Variants in SAMMSON observed in about 807,000 individuals in gnomAD.
SAMMSON encodes long intergenic non-protein coding RNA 1212.
intron 7 of SAMMSON, among the ~76,000 whole-genome samples, chr3:70,316,980 T>A (rs1222161893): frequency 1.3e-5 from 2 of 152,072 alleles, no homozygotes; most frequent in Non-Finnish European, 2.9e-5. Context: ...TGAATAACAG[T>A]TGCTAGTAGG....
chr3:70,266,398 A>G (rs1471884580), intron 6 of SAMMSON, among the ~76,000 whole-genome samples: 1 of 151,688 alleles, frequency 6.6e-6, no homozygotes, highest in Non-Finnish European at 1.5e-5. Context: ...CTTATCATAG[A>G]GATATATATT....
At chr3:70,226,609 G>A (rs1701508986) in intron 4 of SAMMSON, among the ~76,000 whole-genome samples, 3 of 151,602 alleles carry the variant, frequency 2.0e-5, no homozygotes, top group Admixed American at 6.6e-5. Context: ...ATGGTGGCGG[G>A]TGCCTGTAAT....
intron 7 of SAMMSON, among the ~76,000 whole-genome samples, chr3:70,335,458 GT>G (rs910526555): frequency 5.3e-5 from 8 of 151,848 alleles, no homozygotes; most frequent in Non-Finnish European, 8.8e-5. Context: ...TTTTATCTAA[GT>G]TTTTTTTATA....
intron 4 of SAMMSON, among the ~76,000 whole-genome samples, chr3:70,192,063 CTA>C (rs1381722960): frequency 1.3e-5 from 2 of 152,064 alleles, no homozygotes; most frequent in African/African-American, 4.8e-5. Context: ...CCACCCCTAA[CTA>C]TATACTAAGA....
intron 4 of SAMMSON, among the ~76,000 whole-genome samples, chr3:70,239,760 C>T (rs1186306996): frequency 2.6e-5 from 4 of 152,094 alleles, no homozygotes; most frequent in South Asian, 2.1e-4. Flanking sequence ...GAGATCATAT[C>T]GCCCTATGTT....
chr3:70,297,532 A>G (rs1702302075), intron 7 of SAMMSON, among the ~76,000 whole-genome samples: 2 of 152,152 alleles, frequency 1.3e-5, no homozygotes, highest in Non-Finnish European at 2.9e-5. Flanking sequence ...ATGAAGGCTT[A>G]TTATTGCATA....
chr3:70,161,932 G>A (rs1057061926), intron 4 of SAMMSON, among the ~76,000 whole-genome samples: 10 of 151,594 alleles, frequency 6.6e-5, no homozygotes, highest in African/African-American at 2.4e-4. Flanking sequence ...TTGACATAAT[G>A]TTGTTCTTAG....
intron 4 of SAMMSON, among the ~76,000 whole-genome samples, chr3:70,178,332 T>C (rs1701023869): frequency 6.6e-6 from 1 of 152,288 alleles, no homozygotes; most frequent in African/African-American, 2.4e-5. Flanking sequence ...AATATATAAA[T>C]GCCAGCAAAT....
At chr3:70,233,294 T>A (rs900617780) in intron 4 of SAMMSON, among the ~76,000 whole-genome samples, 1 of 152,034 alleles carries the variant, frequency 6.6e-6, no homozygotes, top group African/African-American at 2.4e-5. Flanking sequence ...GCCCTGGTGA[T>A]GTTTGAGGGA....
At position 70,042,008 on chromosome 3, in the gene SAMMSON, A is replaced by C. The variant is rs1418708861; in HGVS notation, n.417+28336A>C. The stretch of plus-strand genomic sequence containing the variant: ...TCTGGTGCATGATCAATGGCTTTGA[A>C]TGAGGTTGCTTTTTTGAAGGAGGGA... On this transcript the variant is annotated intron_variant and non_coding_transcript_variant, in intron 3 of 9. Transcript: ENST00000642114. Among the ~76,000 whole-genome samples the C allele has an allele frequency of 2.6e-5, 4 of 152,178 alleles. No homozygotes were observed. The East Asian group carries it at 7.8e-4, about 30-fold the overall frequency.
At chr3:70,253,003 C>T (rs1010212206) in intron 6 of SAMMSON, among the ~76,000 whole-genome samples, 3 of 152,072 alleles carry the variant, frequency 2.0e-5, no homozygotes, top group Admixed American at 2.0e-4. Flanking sequence ...TCGCTTGAAC[C>T]CAGTAGGTGG....
chr3:70,094,002 C>T (rs1437351543), intron 4 of SAMMSON, among the ~76,000 whole-genome samples: 1 of 152,120 alleles, frequency 6.6e-6, no homozygotes, highest in African/African-American at 2.4e-5. Context: ...GAACCAAAAA[C>T]CTGACTCTGG....
chr3:70,272,501 T>G (rs1048347459), intron 6 of SAMMSON, among the ~76,000 whole-genome samples: 7 of 152,244 alleles, frequency 4.6e-5, no homozygotes, highest in Non-Finnish European at 7.3e-5. Flanking sequence ...TTATCTGTTC[T>G]CCCCTGATGG....
At chr3:70,311,295 C>A (rs905775558) in intron 7 of SAMMSON, among the ~76,000 whole-genome samples, 2 of 152,076 alleles carry the variant, frequency 1.3e-5, no homozygotes, top group African/African-American at 4.8e-5. Context: ...TAAAACCGTG[C>A]CTTCTAGTAA....
intron 4 of SAMMSON, among the ~76,000 whole-genome samples, chr3:70,187,427 CTTTTTTTTT>C (rs928465556): frequency 1.1e-4 from 8 of 73,116 alleles, no homozygotes; most frequent in Middle Eastern, 0.01. Context: ...GGGACCAACT[CTTTTTTTTT>C]TTTTTTTTTT....
chr3:70,284,995 C>T (rs1702128370), intron 6 of SAMMSON, among the ~76,000 whole-genome samples: 1 of 152,056 alleles, frequency 6.6e-6, no homozygotes, highest in African/African-American at 2.4e-5. Flanking sequence ...ACTTAAATCA[C>T]TGCAGTTCCA....
At chr3:70,280,486 G>C (rs1049399255) in intron 6 of SAMMSON, among the ~76,000 whole-genome samples, 1 of 152,056 alleles carries the variant, frequency 6.6e-6, no homozygotes, top group Admixed American at 6.6e-5. Flanking sequence ...TTTCACCCTT[G>C]CCTCAAGCCC....
intron 7 of SAMMSON, among the ~76,000 whole-genome samples, chr3:70,348,568 C>T (rs1301419593): frequency 1.3e-5 from 2 of 152,182 alleles, no homozygotes; most frequent in African/African-American, 4.8e-5. Flanking sequence ...CTAATCACCT[C>T]CCAAAGGCTC....
At chr3:70,046,341 A>G (rs1432880089) in intron 3 of SAMMSON, among the ~76,000 whole-genome samples, 2 of 152,130 alleles carry the variant, frequency 1.3e-5, no homozygotes, top group Non-Finnish European at 2.9e-5. Context: ...AGTCCTGCTG[A>G]TTGGCTATAA....
Sources: allele counts gnomAD v4.1 joint callset (sites outside exome capture counted in the v4.1 genomes callset), GRCh38; gene constraint gnomAD v4.1.1; transcripts MANE v1.5; gene names NCBI Gene and HGNC (gene_info 2026-07-23, HGNC 2026-07-21).